The following PSMB7 variants were observed in gnomAD, a reference collection of about 807,000 sequenced individuals.
The protein encoded by PSMB7 is proteasome 20S subunit beta 7.
Under a neutral mutation model 28.1 loss-of-function variants are expected in PSMB7, and 5 were observed. The observed-to-expected ratio is 0.18, with a 90% CI of 0.09 to 0.37. PSMB7 has a LOEUF of 0.37. Among genes scored for constraint, PSMB7 ranks in the 10% least tolerant of loss-of-function variants. PSMB7 has a pLI of 1.00. For missense variants in PSMB7, 275 were observed against 346.2 expected, an observed-to-expected ratio of 0.79 and a Z score of 1.63; for synonymous variants, 122 against 123.7, an observed-to-expected ratio of 0.99 and a Z score of 0.09.
At chr9:124,380,708 G>A (rs893575688) in intron 6 of PSMB7, among the ~76,000 whole-genome samples, 2 of 152,136 alleles carry the variant, frequency 1.3e-5, no homozygotes, top group Admixed American at 6.5e-5. Flanking sequence ...TAAAGGAAAC[G>A]TTCTCTATCT....
chr9:124,379,471 C>G lies in PSMB7; in HGVS notation c.570+5127G>C, dbSNP rs1024629344. Among the ~76,000 whole-genome samples, 17 of 152,260 alleles carry G rather than the reference C, an allele frequency of 1.1e-4. No homozygotes were observed. In the South Asian group the frequency reaches 3.5e-3, roughly 32 times the overall value. On this transcript the variant is annotated intron_variant, in intron 6 of 7. Transcript: ENST00000259457. Reference sequence around the variant, plus strand: ...AACAAAAAAATGAAAATTAGAAGACCACTCAAGGTAGCGTTTAGGCCAAAA... The same window carrying G: ...AACAAAAAAATGAAAATTAGAAGACGACTCAAGGTAGCGTTTAGGCCAAAA...
chr9:124,368,396 A>G (rs146632951), intron 6 of PSMB7, among the ~76,000 whole-genome samples: 2 of 152,352 alleles, frequency 1.3e-5, no homozygotes, highest in African/African-American at 2.4e-5. Flanking sequence ...TGCTACCCTA[A>G]CATTCCAACA....
intron 5 of PSMB7, among the ~76,000 whole-genome samples, chr9:124,400,778 C>G (rs1412222686): frequency 6.6e-6 from 1 of 152,086 alleles, no homozygotes; most frequent in Non-Finnish European, 1.5e-5. Flanking sequence ...ACACCTTAAT[C>G]CAGAAATTCC....
At chr9:124,383,408 T>C (rs77214542) in intron 6 of PSMB7, among the ~76,000 whole-genome samples, 4,798 of 152,260 alleles carry the variant, frequency 0.032, 104 homozygotes, top group Non-Finnish European at 0.054. Context: ...AAGTCACTTA[T>C]GTGAGCTATC....
At chr9:124,381,749 C>T (rs922745520) in intron 6 of PSMB7, among the ~76,000 whole-genome samples, 16 of 152,250 alleles carry the variant, frequency 1.1e-4, no homozygotes, top group Non-Finnish European at 2.1e-4. Flanking sequence ...CCTCTCAACT[C>T]TGCTAGGCAG....
intron 1 of PSMB7, 172 bp downstream of exon 1, chr9:124,415,192 T>A (rs192623549): frequency 2.3e-4 from 165 of 729,212 alleles, no homozygotes; most frequent in Admixed American, 8.6e-4. Context: ...CAGACCCGGC[T>A]TCAGGAGAAA....
chr9:124,401,643 CTGAG>C (rs1454980116), intron 5 of PSMB7, among the ~76,000 whole-genome samples: 1 of 152,220 alleles, frequency 6.6e-6, no homozygotes, highest in African/African-American at 2.4e-5. Flanking sequence ...CCCCATTAGA[CTGAG>C]TATCTGAGGA....
chr9:124,393,176 G>C (rs1830807554), intron 5 of PSMB7, among the ~76,000 whole-genome samples: 1 of 152,182 alleles, frequency 6.6e-6, no homozygotes, highest in Non-Finnish European at 1.5e-5. Flanking sequence ...CGGGCACCAG[G>C]GGACCATATC....
chr9:124,414,813 A>C (rs1398507901), intron 2 of PSMB7, 29 bp downstream of exon 2: 1 of 1,586,048 alleles, frequency 6.3e-7, no homozygotes, highest in Non-Finnish European at 8.7e-7. Flanking sequence ...CGGTTCAGTC[A>C]CTGCTGCTCT....
At chr9:124,366,058 CCTTAGTTTTTAACAAAACAT>C (rs1396567985) in intron 6 of PSMB7, among the ~76,000 whole-genome samples, 1 of 151,982 alleles carries the variant, frequency 6.6e-6, no homozygotes, top group Admixed American at 6.6e-5. Context: ...TGTGTTTGTG[CCTTAGTTTTTAACAAAACAT>C]CTAAAAGGTA....
At chr9:124,361,576 C>T (rs1030289260) in intron 6 of PSMB7, among the ~76,000 whole-genome samples, 3 of 152,162 alleles carry the variant, frequency 2.0e-5, no homozygotes, top group South Asian at 4.1e-4. Context: ...ATAACATGGG[C>T]GATTGTCTGC....
At chr9:124,392,725 C>G (rs937854128) in intron 5 of PSMB7, among the ~76,000 whole-genome samples, 3 of 152,170 alleles carry the variant, frequency 2.0e-5, no homozygotes, top group African/African-American at 7.2e-5. Context: ...TTCAGAATTT[C>G]TTTCTCAAAG....
At chr9:124,415,204 C>A in intron 1 of PSMB7, 160 bp downstream of exon 1, 1 of 794,952 alleles carries the variant, frequency 1.3e-6, no homozygotes, top group Non-Finnish European at 2.0e-6. Context: ...CAGGAGAAAC[C>A]CACGCCCAGG....
chr9:124,404,024 T>C (rs1184677252), intron 5 of PSMB7, among the ~76,000 whole-genome samples: 4 of 151,868 alleles, frequency 2.6e-5, no homozygotes, highest in South Asian at 2.1e-4. Context: ...CCCAAGCAAC[T>C]GGGACTACAG....
chr9:124,393,073 T>C (rs186748013), intron 5 of PSMB7, among the ~76,000 whole-genome samples: 1 of 152,332 alleles, frequency 6.6e-6, no homozygotes, highest in East Asian at 1.9e-4. Flanking sequence ...ACTCCATTCC[T>C]GCCTCCAAGG....
intron 6 of PSMB7, among the ~76,000 whole-genome samples, chr9:124,383,079 T>C (rs573741359): frequency 6.6e-6 from 1 of 152,346 alleles, no homozygotes; most frequent in Non-Finnish European, 1.5e-5. Flanking sequence ...GCGTAGAACC[T>C]TAGGAACTCC....
intron 5 of PSMB7, among the ~76,000 whole-genome samples, chr9:124,398,066 C>T (rs1830859451): frequency 6.6e-6 from 1 of 151,952 alleles, no homozygotes; most frequent in Non-Finnish European, 1.5e-5. Context: ...ATCCCAGCTA[C>T]TTGGGAGGCG....
At chr9:124,387,970 A>T (rs1830743531) in intron 5 of PSMB7, among the ~76,000 whole-genome samples, 1 of 152,212 alleles carries the variant, frequency 6.6e-6, no homozygotes, top group African/African-American at 2.4e-5. Context: ...TACTGGTCCA[A>T]CATCCAAAAC....
At chr9:124,373,587 C>G (rs1048716656) in intron 6 of PSMB7, among the ~76,000 whole-genome samples, 2 of 152,104 alleles carry the variant, frequency 1.3e-5, no homozygotes, top group East Asian at 3.8e-4. Flanking sequence ...AAAGGAAGCA[C>G]GTCAAATGTT....
Sources: gnomAD v4.1 joint callset for allele counts (sites outside exome capture counted in the v4.1 genomes callset) on GRCh38, gnomAD v4.1.1 for gene constraint, MANE v1.5 for transcripts, NCBI Gene and HGNC (gene_info 2026-07-23, HGNC 2026-07-21) for gene names.